The following FLACC1 variants were observed in gnomAD, a reference collection of about 807,000 sequenced individuals.
FLACC1 encodes flagellum associated containing coiled-coil domains 1, also known as flagellum-associated coiled-coil domain-containing protein 1.
In FLACC1, 66 loss-of-function variants were observed where a neutral mutation model predicts 62.8. The observed-to-expected ratio is 1.05, with a 90% confidence interval of 0.86 to 1.29. The LOEUF is 1.29. Among genes scored for constraint, FLACC1 ranks in the 50% most tolerant of loss-of-function variants. The pLI, the probability that FLACC1 is intolerant of heterozygous loss-of-function variation, is 0.00. For missense variants in FLACC1, 452 were observed against 489.1 expected, an observed-to-expected ratio of 0.92 and a Z score of 0.71; for synonymous variants, 156 against 161.0, an observed-to-expected ratio of 0.97 and a Z score of 0.24.
intron 1 of FLACC1, among the ~76,000 whole-genome samples, chr2:201,354,174 T>G (rs940235916): frequency 2.0e-5 from 3 of 152,310 alleles, no homozygotes; most frequent in Non-Finnish European, 4.4e-5. Flanking sequence ...CTGTTTTACA[T>G]ATGAGGATAC....
chr2:201,342,723 C>T (rs2125611128), intron 6 of FLACC1, among the ~76,000 whole-genome samples: 1 of 152,304 alleles, frequency 6.6e-6, no homozygotes, highest in African/African-American at 2.4e-5. Context: ...GTCTCCTGTG[C>T]TAGATCGTCA....
intron 9 of FLACC1, among the ~76,000 whole-genome samples, chr2:201,329,309 G>A (rs2125591369): frequency 6.6e-6 from 1 of 152,310 alleles, no homozygotes; most frequent in East Asian, 1.9e-4. Context: ...TGCTGGTGAG[G>A]TTGGAGGAAA....
chr2:201,295,655 G>A (rs143627557), intron 12 of FLACC1, among the ~76,000 whole-genome samples: 2,265 of 152,090 alleles, frequency 0.015, 29 homozygotes, highest in Middle Eastern at 0.037. Context: ...GCCTAAATTG[G>A]CAAATGGGAT....
Position 201,346,796 on chromosome 2 carries a change from C to CA in FLACC1, c.235-122_235-121insT. On this transcript the variant is annotated intron_variant, in intron 4 of 14. Coordinates refer to ENST00000392257, the MANE Select transcript of FLACC1 (RefSeq NM_001127391.3). The surrounding 1 kb of genome is among the most constrained non-coding windows in gnomAD (Gnocchi z 4.0). The stretch of plus-strand genomic sequence containing the variant: ...GGGACCTGGGACTCCACAGCCCAAG[C>CA]CCTTCTGGGCCCTTCACCCATTATA... 8.7e-7 allele frequency: 1 copy of CA among 1,147,756 alleles called. No homozygotes were observed. Among genetic ancestry groups the CA allele is most frequent in the Non-Finnish European group, 1.2e-6 (1 of 808,520 alleles). 71.1% of individuals were successfully genotyped at this position (1,147,756 alleles called of 1,614,324 possible).
intron 6 of FLACC1, among the ~76,000 whole-genome samples, chr2:201,343,268 C>A (rs1686743137): frequency 6.6e-6 from 1 of 152,222 alleles, no homozygotes; most frequent in Admixed American, 6.5e-5. Context: ...AGGATCTGTG[C>A]CTATGACTTA....
At chr2:201,358,959 G>T (rs2125632264), upstream of FLACC1, among the ~76,000 whole-genome samples, 1 of 152,266 alleles carries the variant, frequency 6.6e-6, no homozygotes, top group East Asian at 1.9e-4. Flanking sequence ...ACAGAGAAGA[G>T]ATCTGACTAG....
intron 12 of FLACC1, among the ~76,000 whole-genome samples, chr2:201,293,944 C>T (rs969469223): frequency 9.9e-5 from 15 of 152,278 alleles, no homozygotes; most frequent in African/African-American, 3.1e-4. Context: ...AATTCCTGGA[C>T]ACATACACAC....
intron 12 of FLACC1, among the ~76,000 whole-genome samples, chr2:201,298,045 G>T (rs1949902710): frequency 6.6e-6 from 1 of 152,150 alleles, no homozygotes; most frequent in Non-Finnish European, 1.5e-5. Flanking sequence ...GTGATGTAGG[G>T]AAGAAATAGA....
At chr2:201,339,605 A>AT (rs1012712848) in intron 7 of FLACC1, among the ~76,000 whole-genome samples, 1 of 150,132 alleles carries the variant, frequency 6.7e-6, no homozygotes. Flanking sequence ...TTGTATTTCA[A>AT]TTTTTTTTTG....
chr2:201,358,417 T>C (rs1442512522), upstream of FLACC1, among the ~76,000 whole-genome samples: 2 of 50,022 alleles, frequency 4.0e-5, no homozygotes, highest in African/African-American at 1.0e-4. Flanking sequence ...GCTAATTTTT[T>C]TTTTTTTTTT....
At chr2:201,349,058 G>A (rs1435696377) in intron 3 of FLACC1, among the ~76,000 whole-genome samples, 1 of 152,206 alleles carries the variant, frequency 6.6e-6, no homozygotes, top group Non-Finnish European at 1.5e-5. Flanking sequence ...TCCATCTGCA[G>A]CCTTAATTCC....
chr2:201,299,331 C>T, intron 11 of FLACC1, 31 bp from the exon 12 acceptor site: 3 of 1,589,082 alleles, frequency 1.9e-6, no homozygotes, highest in Non-Finnish European at 2.6e-6. Context: ...AAAAGGTTAG[C>T]ACTGTGGTTC....
chr2:201,296,260 C>A (rs566441063), intron 12 of FLACC1, among the ~76,000 whole-genome samples: 1 of 152,120 alleles, frequency 6.6e-6, no homozygotes, highest in Non-Finnish European at 1.5e-5. Context: ...TTGGAACCAA[C>A]CCAAATGTCG....
intron 11 of FLACC1, among the ~76,000 whole-genome samples, chr2:201,301,822 A>T (rs1212189379): frequency 6.6e-6 from 1 of 152,226 alleles, no homozygotes; most frequent in African/African-American, 2.4e-5. Flanking sequence ...AGGATTTCAT[A>T]TCCAGCTAAA....
chr2:201,342,308 G>A lies in FLACC1; in HGVS notation c.524+62C>T. On this transcript the variant is annotated intron_variant, in intron 7 of 14. Coordinates refer to ENST00000392257, the MANE Select transcript of FLACC1 (RefSeq NM_001127391.3). ...TGAAGTCCCAGTGAACTAAAATCCT[G>A]CAAAGGATGCGGGACCCTTAGAGCC... The A allele has an allele frequency of 1.9e-6, 3 of 1,555,178 alleles. 1 individual carries two copies. The highest frequency in any genetic ancestry group is 2.3e-5 in the South Asian group (2 of 88,694).
At chr2:201,321,719 TG>T (rs1182820606) in intron 9 of FLACC1, among the ~76,000 whole-genome samples, 1 of 152,184 alleles carries the variant, frequency 6.6e-6, no homozygotes, top group Non-Finnish European at 1.5e-5. Flanking sequence ...GATGAAAAGC[TG>T]GAGCACTGAA....
At chr2:201,308,233 T>G (rs926985638) in intron 10 of FLACC1, among the ~76,000 whole-genome samples, 3 of 152,348 alleles carry the variant, frequency 2.0e-5, no homozygotes, top group South Asian at 2.1e-4. Flanking sequence ...ACATCTTTAC[T>G]TAGACTTTAG....
rs1950337085 is a variant in FLACC1, at chr2:201,318,096, C to A, written c.676-8846G>T. ...CTCTCATCTTACACAAAAATAAACT[C>A]AAGATGGATCAAGGACTTAAATCTA... On this transcript the variant is annotated intron_variant, in intron 9 of 14. Transcript: ENST00000392257. Among the ~76,000 whole-genome samples, 2 of 152,154 alleles carry A rather than the reference C, an allele frequency of 1.3e-5. 1 individual carries two copies. The highest frequency in any genetic ancestry group is 1.3e-4 in the Admixed American group (2 of 15,278).
chr2:201,363,706 G>T, the FLACC1 span, among the ~76,000 whole-genome samples: 3 of 152,286 alleles, frequency 2.0e-5, no homozygotes, highest in East Asian at 5.8e-4. Flanking sequence ...TGGAACAGCA[G>T]CCTGAGCACC....
Sources: gnomAD v4.1 joint callset for allele counts (sites outside exome capture counted in the v4.1 genomes callset) on GRCh38, gnomAD v4.1.1 for gene constraint, Gnocchi (gnomAD v3.1) non-coding constraint, MANE v1.5 for transcripts, NCBI Gene and HGNC (gene_info 2026-07-23, HGNC 2026-07-21) for gene names.